The following ULK4 variants were observed in gnomAD, a reference collection of about 807,000 sequenced individuals.
ULK4 encodes inactive serine/threonine-protein kinase ULK4.
A neutral mutation model predicts 160.6 loss-of-function variants in ULK4; 133 were observed. The ratio of observed to expected loss-of-function variants is 0.83; its 90% CI spans 0.72 to 0.96. The LOEUF (loss-of-function observed/expected upper bound fraction) is 0.96. Among genes scored for constraint, ULK4 ranks in the 40% least tolerant of loss-of-function variants. The pLI, the probability that ULK4 is intolerant of heterozygous loss-of-function variation, is 0.00. For missense variants in ULK4, 1,580 were observed against 1,499.5 expected (o/e 1.05, Z -0.89); for synonymous variants, 534 against 539.8 (o/e 0.99, Z 0.15).
chr3:41,803,094 C>G (rs959637693), intron 19 of ULK4, among the ~76,000 whole-genome samples: 1 of 150,554 alleles, frequency 6.6e-6, no homozygotes, highest in Non-Finnish European at 1.5e-5. Flanking sequence ...GAACCAGGAC[C>G]CAGGAGGCAG....
At chr3:41,346,618 C>T (rs1197755645) in intron 35 of ULK4, among the ~76,000 whole-genome samples, 1 of 152,174 alleles carries the variant, frequency 6.6e-6, no homozygotes, top group African/African-American at 2.4e-5. Flanking sequence ...CCATTTAATT[C>T]TTTTAGAATT....
At chr3:41,476,310 C>A (rs987215394) in intron 32 of ULK4, among the ~76,000 whole-genome samples, 4 of 152,124 alleles carry the variant, frequency 2.6e-5, no homozygotes, top group African/African-American at 4.8e-5. Context: ...AGAAACAAAG[C>A]AAGTCAAGGT....
At chr3:41,921,378 G>A (rs745650898) in intron 5 of ULK4, among the ~76,000 whole-genome samples, 2 of 152,106 alleles carry the variant, frequency 1.3e-5, no homozygotes, top group South Asian at 4.1e-4. Context: ...TTGGGAGGCC[G>A]AGGCGAGCAG....
chr3:41,253,805 G>A (rs2078782591), intron 35 of ULK4, among the ~76,000 whole-genome samples: 1 of 152,126 alleles, frequency 6.6e-6, no homozygotes, highest in Non-Finnish European at 1.5e-5. Context: ...TTTAAAGTAA[G>A]AGGATGAAAA....
At position 41,694,390 on chromosome 3, in the gene ULK4, G is replaced by A. The variant is rs534243669; in HGVS notation, c.2781+10667C>T. On this transcript the variant is annotated intron_variant, in intron 27 of 36. Coordinates refer to ENST00000301831, the MANE Select transcript of ULK4 (RefSeq NM_017886.4). The stretch of plus-strand genomic sequence containing the variant: ...ACTGTTATGGAGGGAGGTATAGAAA[G>A]CTATGGACCCCAGAGCAGGGAGGGA... Among the ~76,000 whole-genome samples, 3 of 152,326 alleles carry A rather than the reference G, an allele frequency of 2.0e-5. No individual in the cohort carries two copies. In the South Asian group the frequency reaches 6.2e-4, roughly 32 times the overall value.
chr3:41,833,710 T>C (rs1180333975), intron 18 of ULK4, among the ~76,000 whole-genome samples: 1 of 152,190 alleles, frequency 6.6e-6, no homozygotes, highest in Non-Finnish European at 1.5e-5. Flanking sequence ...ACTGATTTTG[T>C]ATTCTGAGAC....
intron 16 of ULK4, among the ~76,000 whole-genome samples, chr3:41,894,685 A>G (rs1375359898): frequency 6.6e-6 from 1 of 152,172 alleles, no homozygotes; most frequent in East Asian, 1.9e-4. Flanking sequence ...TCCCATCCCA[A>G]TTTTACAGAT....
chr3:41,477,098 T>C (rs1338852112), intron 32 of ULK4, among the ~76,000 whole-genome samples: 1 of 152,212 alleles, frequency 6.6e-6, no homozygotes, highest in Admixed American at 6.5e-5. Flanking sequence ...CCAACATCTC[T>C]AAAAGAAGCC....
At chr3:41,657,946 T>G (rs889708727) in intron 30 of ULK4, among the ~76,000 whole-genome samples, 1 of 152,136 alleles carries the variant, frequency 6.6e-6, no homozygotes, top group African/African-American at 2.4e-5. Flanking sequence ...GGCCTAATTT[T>G]CTTTTGGTTA....
At chr3:41,896,318 G>A (rs1451317719) in intron 15 of ULK4, among the ~76,000 whole-genome samples, 6 of 151,928 alleles carry the variant, frequency 3.9e-5, no homozygotes, top group African/African-American at 9.7e-5. Flanking sequence ...GCTGTGGTGC[G>A]ATCTCAGCTC....
intron 22 of ULK4, 73 bp from the exon 23 acceptor site, chr3:41,717,934 A>C: frequency 6.5e-7 from 1 of 1,531,794 alleles, no homozygotes; most frequent in Admixed American, 1.7e-5. Flanking sequence ...AAATGCCGCC[A>C]AGGCAAGTGT....
chr3:41,883,752 G>A (rs2148770969), intron 17 of ULK4, 122 bp downstream of exon 17: 8 of 900,216 alleles, frequency 8.9e-6, no homozygotes, highest in East Asian at 2.5e-5. Flanking sequence ...GTTTTAGAAC[G>A]ATTGCCACAA....
At chr3:41,541,773 T>C (rs1319401875) in intron 32 of ULK4, among the ~76,000 whole-genome samples, 1 of 152,168 alleles carries the variant, frequency 6.6e-6, no homozygotes, top group Non-Finnish European at 1.5e-5. Context: ...CCTAGGTATT[T>C]TATTCTCTTT....
chr3:41,898,147 G>A (rs796556763), intron 14 of ULK4, among the ~76,000 whole-genome samples: 6 of 152,196 alleles, frequency 3.9e-5, no homozygotes, highest in African/African-American at 1.4e-4. Flanking sequence ...AGGGAAGGGA[G>A]GAGAAGACCT....
chr3:41,612,653 T>G (rs758230251), intron 31 of ULK4, among the ~76,000 whole-genome samples: 1 of 152,248 alleles, frequency 6.6e-6, no homozygotes, highest in Non-Finnish European at 1.5e-5. Context: ...TGGTTTGCCA[T>G]ACAACTCCAG....
rs1443771456 is a variant in ULK4, at chr3:41,836,209, T to C, written c.1657-238A>G. On this transcript the variant is annotated intron_variant, in intron 17 of 36. Transcript: ENST00000301831. ...CCCTTTTCAGTTTATAATTTTTTTT[T>C]TAACCCAGGCTGGAGTGCAGTGGCA... is the stretch of plus-strand genomic sequence containing the variant. Among the ~76,000 whole-genome samples the C allele has an allele frequency of 5.9e-5, 9 of 151,984 alleles. No homozygotes were observed. In the East Asian group the frequency reaches 1.7e-3, roughly 29 times the overall value.
At chr3:41,800,424 G>A in intron 19 of ULK4, 131 bp from the exon 20 acceptor site, 1 of 789,598 alleles carries the variant, frequency 1.3e-6, no homozygotes, top group Admixed American at 2.9e-5. Flanking sequence ...CAACTTGGGA[G>A]GAATGATAAC....
At chr3:41,953,285 C>CACACATATATATATATATAT (rs374288098) in intron 2 of ULK4, among the ~76,000 whole-genome samples, 5 of 85,924 alleles carry the variant, frequency 5.8e-5, no homozygotes, top group African/African-American at 1.5e-4. Flanking sequence ...CATATATACA[C>CACACATATATATATATATAT]ATATATATAT....
intron 32 of ULK4, among the ~76,000 whole-genome samples, chr3:41,542,859 A>G (rs1410194377): frequency 6.6e-6 from 1 of 151,966 alleles, no homozygotes; most frequent in Non-Finnish European, 1.5e-5. Flanking sequence ...TTTTAACTGA[A>G]TTGTATCATT....
Sources: gnomAD v4.1 joint callset for allele counts (sites outside exome capture counted in the v4.1 genomes callset) on GRCh38, gnomAD v4.1.1 for gene constraint, MANE v1.5 for transcripts, NCBI Gene and HGNC (gene_info 2026-07-23, HGNC 2026-07-21) for gene names.